Variants in IL18RAP observed in about 807,000 individuals in gnomAD.
The protein encoded by IL18RAP is interleukin 18 receptor accessory protein.
In IL18RAP, 37 loss-of-function variants were observed where a neutral mutation model predicts 58.1. That is an observed-to-expected ratio of 0.64 (90% CI 0.49 to 0.84). The LOEUF (loss-of-function observed/expected upper bound fraction) is 0.84, where lower values mean the gene tolerates loss of function less well. IL18RAP is among the 40% of genes least tolerant of loss of function. IL18RAP has a pLI of 0.00. For missense variants in IL18RAP, 667 were observed against 704.8 expected (o/e 0.95, Z 0.61); for synonymous variants, 268 against 257.5 (o/e 1.04, Z -0.39).
chr2:102,448,559 A>G (rs1197391802), intron 8 of IL18RAP, among the ~76,000 whole-genome samples: 2 of 152,142 alleles, frequency 1.3e-5, no homozygotes, highest in African/African-American at 4.8e-5. Context: ...GATTTCACGG[A>G]TAATTATTTA....
chr2:102,428,385 T>G (rs1181701440), intron 3 of IL18RAP, among the ~76,000 whole-genome samples: 1 of 151,340 alleles, frequency 6.6e-6, no homozygotes, highest in Non-Finnish European at 1.5e-5. Context: ...GTTAGTTTTT[T>G]TTTTTTTATA....
At chr2:102,442,350 T>G (rs11465705) in intron 5 of IL18RAP, among the ~76,000 whole-genome samples, 32,796 of 151,952 alleles carry the variant, frequency 0.22, 4,016 homozygotes, top group African/African-American at 0.33. Flanking sequence ...AAACATTTAT[T>G]ATTTTAGAAA....
In IL18RAP at chr2:102,452,064, G is replaced by A; in HGVS notation, c.1683G>A (p.Val561=). ...FWAKMRYHMP[V]KNSQGFTWNQ... ...CCAAAATGCGCTACCACATGCCTGTGAAAAACTCTCAGGGATTCACGTGGA... is the reference window on the plus strand; with the variant it reads ...CCAAAATGCGCTACCACATGCCTGTAAAAAACTCTCAGGGATTCACGTGGA... The change falls in exon 10 of 10, where the codon GTG becomes GTA. Residue 561 remains valine, a synonymous_variant. Coordinates refer to ENST00000687160, the MANE Select transcript of IL18RAP (RefSeq NM_001393487.1). 6.2e-7 allele frequency: 1 copy of A among 1,614,140 alleles called. No individual in the cohort carries two copies. Among genetic ancestry groups the A allele is most frequent in the Non-Finnish European group, 8.5e-7 (1 of 1,180,038 alleles).
In IL18RAP at chr2:102,423,349, T is replaced by C; in HGVS notation, c.70+2T>C. 2 of 1,613,356 alleles carry C rather than the reference T, an allele frequency of 1.2e-6. No homozygotes were observed. Among genetic ancestry groups the C allele is most frequent in the Non-Finnish European group, 1.7e-6 (2 of 1,179,292 alleles). Reference sequence around the variant, plus strand: ...GAATTAAAGGATTTAATATTTCAGGTAGGGGTTTTCACTTTTCATGTTAGC... The same window carrying C: ...GAATTAAAGGATTTAATATTTCAGGCAGGGGTTTTCACTTTTCATGTTAGC... On this transcript the variant is annotated splice_donor_variant, in intron 1 of 9. Coordinates refer to ENST00000687160, the MANE Select transcript of IL18RAP (RefSeq NM_001393487.1). LOFTEE classifies it high-confidence loss of function.
At chr2:102,430,447 CCTT>C (rs1313804001) in intron 3 of IL18RAP, among the ~76,000 whole-genome samples, 1 of 151,776 alleles carries the variant, frequency 6.6e-6, no homozygotes, top group East Asian at 1.9e-4. Context: ...CTATATGTGT[CCTT>C]ATTAGTAAAT....
chr2:102,431,564 G>A (rs1177099541), intron 3 of IL18RAP, among the ~76,000 whole-genome samples: 2 of 151,876 alleles, frequency 1.3e-5, no homozygotes, highest in Non-Finnish European at 2.9e-5. Context: ...TCTTGAAGGT[G>A]TCCCATAATT....
chr2:102,437,385 G>T (rs748958221), intron 4 of IL18RAP, 23 bp downstream of exon 4: 2 of 1,599,434 alleles, frequency 1.3e-6, no homozygotes, highest in South Asian at 1.1e-5. Flanking sequence ...TTTATCTCAA[G>T]ATTTGAGATC....
upstream of IL18RAP, among the ~76,000 whole-genome samples, chr2:102,420,954 G>C (rs1558631357): frequency 6.6e-6 from 1 of 152,164 alleles, no homozygotes; most frequent in Non-Finnish European, 1.5e-5. Context: ...ACTCTCCTAG[G>C]ATCAGGATAT....
In IL18RAP at chr2:102,443,287, AC is replaced by A. The variant is rs1179335855; in HGVS notation, c.886del (p.Leu296Ter). 1 of 1,613,788 alleles carries A rather than the reference AC, an allele frequency of 6.2e-7. No individual in the cohort carries two copies. Among genetic ancestry groups the A allele is most frequent in the Non-Finnish European group, 8.5e-7 (1 of 1,179,912 alleles). ...PVIKWYIKDS[D>X]LEWEVSVPEA... ...ATAAAATGGTACATCAAAGATTCTGACCTAGAGTGGGAAGTCTCAGTACCTG... is the reference window on the plus strand; with the variant it reads ...ATAAAATGGTACATCAAAGATTCTGACTAGAGTGGGAAGTCTCAGTACCTG... On this transcript the variant is annotated frameshift_variant, in exon 6 of 10. Transcript: ENST00000687160. LOFTEE classifies it high-confidence loss of function.
chr2:102,452,031 G>A lies in IL18RAP; in HGVS notation c.1650G>A (p.Arg550=). ...TAAAATCAGTTCCTCCCAATTCTAGGTTCTGGGCCAAAATGCGCTACCACA... is the reference window on the plus strand; with the variant it reads ...TAAAATCAGTTCCTCCCAATTCTAGATTCTGGGCCAAAATGCGCTACCACA... ...RGLKSVPPNS[R]FWAKMRYHMP... Residue 550 remains arginine (R), a synonymous_variant, in exon 10 of 10, where the codon AGG becomes AGA. Transcript: ENST00000687160. 6.2e-7 allele frequency: 1 copy of A among 1,614,108 alleles called. No homozygotes were observed.
intron 4 of IL18RAP, chr2:102,439,615 G>C (rs1239316742): frequency 6.6e-6 from 1 of 152,244 alleles, no homozygotes; most frequent in African/African-American, 2.4e-5. Context: ...TAGGTCAACA[G>C]AGCATGATAA....
intron 3 of IL18RAP, among the ~76,000 whole-genome samples, chr2:102,428,379 G>GTTTTT (rs57882228): frequency 6.9e-6 from 1 of 145,882 alleles, no homozygotes; most frequent in Admixed American, 6.8e-5. Context: ...CCTTTTGTTA[G>GTTTTT]TTTTTTTTTT....
chr2:102,423,107 A>C (rs1042562646), upstream of IL18RAP: 6 of 694,016 alleles, frequency 8.6e-6, no homozygotes, highest in African/African-American at 1.8e-5. Context: ...CTGCCCTTTC[A>C]AAGCTTCCTG....
upstream of IL18RAP, chr2:102,423,083 G>T: frequency 4.9e-6 from 3 of 611,448 alleles, no homozygotes; most frequent in Non-Finnish European, 8.9e-6. Context: ...AGTGAAGGCC[G>T]GTTTGGGTAG....
upstream of IL18RAP, among the ~76,000 whole-genome samples, chr2:102,421,146 G>A (rs1400519660): frequency 6.6e-6 from 1 of 152,118 alleles, no homozygotes. Context: ...GACAAACTCA[G>A]TTCCTGCTGG....
At position 102,450,855 on chromosome 2, in the gene IL18RAP, G is replaced by T; in HGVS notation, c.1218G>T (p.Lys406Asn). ...AATTTTCCTATTCTTCAGATAAAAA[G>T]GATTTTGATGCTTTCGTATCCTATG... The part of the protein sequence containing the change: ...QSKDQTLGDK[K>N]DFDAFVSYAK... Residue 406 changes from lysine to asparagine, a missense_variant, in exon 9 of 10, where the codon AAG (lysine) becomes AAT (asparagine). Coordinates refer to ENST00000687160, the MANE Select transcript of IL18RAP (RefSeq NM_001393487.1). The T allele has an allele frequency of 6.4e-7, 1 of 1,572,174 alleles. No individual in the cohort carries two copies. Among genetic ancestry groups the T allele is most frequent in the Non-Finnish European group, 8.6e-7 (1 of 1,165,172 alleles).
At chr2:102,427,874 G>A (rs1174311895) in intron 3 of IL18RAP, among the ~76,000 whole-genome samples, 2 of 151,786 alleles carry the variant, frequency 1.3e-5, no homozygotes, top group Non-Finnish European at 2.9e-5. Context: ...TTGATGGGTT[G>A]TATGTGCTAT....
chr2:102,446,336 T>C (rs376326931), intron 7 of IL18RAP, among the ~76,000 whole-genome samples: 2 of 152,246 alleles, frequency 1.3e-5, no homozygotes, highest in South Asian at 2.1e-4. Flanking sequence ...AGGTGGTTTT[T>C]GGTTACATGG....
intron 3 of IL18RAP, among the ~76,000 whole-genome samples, chr2:102,424,950 A>AG (rs1260662054): frequency 1.3e-5 from 2 of 152,168 alleles, no homozygotes; most frequent in Admixed American, 6.6e-5. Flanking sequence ...AGGGAACAAG[A>AG]GCAAGTTTCA....
Sources: gnomAD v4.1 joint callset for allele counts (sites outside exome capture counted in the v4.1 genomes callset) on GRCh38, gnomAD v4.1.1 for gene constraint, MANE v1.5 for transcripts, NCBI Gene and HGNC (gene_info 2026-07-23, HGNC 2026-07-21) for gene names.